Variants in THG1L observed in about 807,000 individuals in gnomAD.
THG1L encodes probable tRNA(His) guanylyltransferase.
In THG1L, 27 loss-of-function variants were observed where a neutral mutation model predicts 35.2. The ratio of observed to expected loss-of-function variants is 0.77; its 90% CI spans 0.57 to 1.06. The LOEUF (loss-of-function observed/expected upper bound fraction) is 1.06, where lower values mean the gene tolerates loss of function less well. Among genes scored for constraint, THG1L ranks in the 50% least tolerant of loss-of-function variants. The pLI, the probability that THG1L is intolerant of heterozygous loss-of-function variation, is 0.00. For synonymous variants in THG1L, 135 were observed against 132.4 expected, an observed-to-expected ratio of 1.02 and a Z score of -0.14; for missense variants, 377 against 371.8, an observed-to-expected ratio of 1.01 and a Z score of -0.12.
intron 5 of THG1L, chr5:157,738,568 C>A: frequency 4.8e-6 from 2 of 412,980 alleles, no homozygotes; most frequent in Middle Eastern, 3.9e-4. Flanking sequence ...AAATTTATTT[C>A]CTTCCATGTA....
Position 157,737,948 on chromosome 5 carries a change from A to C in THG1L, c.689A>C (p.Asn230Thr), listed in dbSNP as rs746567356. 1.9e-6 allele frequency: 3 copies of C among 1,613,688 alleles called. No individual in the cohort carries two copies. The highest frequency in any genetic ancestry group is 2.2e-5 in the South Asian group (2 of 90,980). ...LFSEFNINYN[N>T]ELPMYRKGTV... ...TCTGAATTCAACATCAACTATAATA[A>C]TGAGCTGCCGATGTATAGGAAAGGG... The change falls in exon 5 of 6, where the codon AAT (asparagine) becomes ACT (threonine). Residue 230 changes from asparagine to threonine, a missense_variant. By Grantham distance (65) the Asn-to-Thr change is moderately conservative. Coordinates refer to ENST00000231198, the MANE Select transcript of THG1L (RefSeq NM_017872.5).
chr5:157,735,738 C>G, intron 3 of THG1L, 108 bp from the exon 4 acceptor site: 1 of 724,076 alleles, frequency 1.4e-6, no homozygotes, highest in South Asian at 2.0e-5. Context: ...TCTCTGAGAT[C>G]TCTTTACTAT....
intron 4 of THG1L, among the ~76,000 whole-genome samples, chr5:157,737,497 A>G (rs1056426422): frequency 6.6e-6 from 1 of 152,114 alleles, no homozygotes; most frequent in Non-Finnish European, 1.5e-5. Flanking sequence ...AAAAAAAGGC[A>G]TACTGGTAGG....
intron 5 of THG1L, 70 bp from the exon 6 acceptor site, chr5:157,739,251 C>G: frequency 6.6e-7 from 1 of 1,511,308 alleles, no homozygotes; most frequent in Middle Eastern, 1.8e-4. Flanking sequence ...TGAGCTATCC[C>G]CACATCTTTC....
At position 157,731,546 on chromosome 5, in the gene THG1L, G is replaced by A. The variant is rs752821997; in HGVS notation, c.106G>A (p.Glu36Lys). ...GGCGACCATGGCAAAAAGCAAGTTC[G>A]AGTACGTGAGGGACTTCGAGGCTGA... ...LGATMAKSKF[E>K]YVRDFEADDT... Residue 36 changes from glutamate to lysine, a missense_variant, in exon 1 of 6, where the codon GAG becomes AAG. Transcript: ENST00000231198. The A allele has an allele frequency of 3.7e-6, 6 of 1,612,638 alleles. No homozygotes were observed. The highest frequency in any genetic ancestry group is 5.1e-6 in the Non-Finnish European group (6 of 1,179,416).
chr5:157,732,227 AAAAAAAAAAAAAAAAAAGAGAG>A (rs1691372169), intron 1 of THG1L, among the ~76,000 whole-genome samples: 1 of 129,536 alleles, frequency 7.7e-6, no homozygotes, highest in Non-Finnish European at 1.6e-5. Flanking sequence ...AAAAAAAAAA[AAAAAAAAAAAAAAAAAAGAGAG>A]AGAGAGAGAG....
In THG1L at chr5:157,737,970, A is replaced by C; in HGVS notation, c.711A>C (p.Lys237Asn). ...NYNNELPMYR[K>N]GTVLIWQKVD... ...ATAATGAGCTGCCGATGTATAGGAAAGGGACTGTGTTGATATGGCAGAAGG... is the reference window on the plus strand; with the variant it reads ...ATAATGAGCTGCCGATGTATAGGAACGGGACTGTGTTGATATGGCAGAAGG... Residue 237 changes from lysine to asparagine, a missense_variant, in exon 5 of 6, where the codon AAA becomes AAC. Physicochemically the swap from Lys to Asn is moderately conservative, Grantham distance 94. Coordinates refer to ENST00000231198, the MANE Select transcript of THG1L (RefSeq NM_017872.5). 1 of 1,612,930 alleles carries C rather than the reference A, an allele frequency of 6.2e-7. No homozygotes were observed. The highest frequency in any genetic ancestry group is 8.5e-7 in the Non-Finnish European group (1 of 1,179,396).
At chr5:157,735,484 G>A (rs1271558675) in intron 3 of THG1L, among the ~76,000 whole-genome samples, 1 of 152,204 alleles carries the variant, frequency 6.6e-6, no homozygotes, top group Non-Finnish European at 1.5e-5. Context: ...TGACTGTGAT[G>A]ATGTTTGTGA....
chr5:157,735,327 C>G (rs1292034162), intron 3 of THG1L, among the ~76,000 whole-genome samples: 1 of 148,026 alleles, frequency 6.8e-6, no homozygotes, highest in African/African-American at 2.5e-5. Flanking sequence ...TCAGTGGCAG[C>G]TACCTTTACA....
At position 157,733,062 on chromosome 5, in the gene THG1L, C is replaced by T. The variant is rs778647900; in HGVS notation, c.368+18C>T. The stretch of plus-strand genomic sequence containing the variant: ...AGAGCCAGGTAATTCCATGACCTAA[C>T]TCCTTTCTTCAGAATATTTCCTCCC... On this transcript the variant is annotated intron_variant, in intron 2 of 5. Coordinates refer to ENST00000231198, the MANE Select transcript of THG1L (RefSeq NM_017872.5). 6.2e-7 allele frequency: 1 copy of T among 1,609,066 alleles called. No homozygotes were observed. Among genetic ancestry groups the T allele is most frequent in the Admixed American group, 1.7e-5 (1 of 59,748 alleles).
rs973009315 is a variant in THG1L at position 157,732,890 on chromosome 5, G to A, written c.214G>A (p.Ala72Thr). ...FHRFAEKHNF[A>T]KPNDSRALQL... is the part of the protein sequence containing the mutation. ...AAGGTTTGCTGAGAAGCACAACTTT[G>A]CAAAACCCAATGACAGCCGTGCTCT... The change falls in exon 2 of 6, where the codon GCA becomes ACA. Residue 72 changes from alanine (A) to threonine (T), a missense_variant. Transcript: ENST00000231198. The A allele has an allele frequency of 1.2e-6, 2 of 1,614,076 alleles. No homozygotes were observed. Among genetic ancestry groups the A allele is most frequent in the African/African-American group, 2.7e-5 (2 of 74,932 alleles).
At position 157,739,044 on chromosome 5, in the gene THG1L, G is replaced by A. The variant is rs56038463; in HGVS notation, c.736-277G>A. Among the ~76,000 whole-genome samples, 1,072 of 152,156 alleles carry A rather than the reference G, an allele frequency of 7.0e-3. 12 individuals are homozygous for A. The highest frequency in any genetic ancestry group is 0.024 in the African/African-American group (1,015 of 41,518). ...ATGTCTCAGCCTCCCAAAGTGCTGA[G>A]ATTACAGGCGTGAGCCACCGCGCTC... On this transcript the variant is annotated intron_variant, in intron 5 of 5. Coordinates refer to ENST00000231198, the MANE Select transcript of THG1L (RefSeq NM_017872.5).
rs750334436 is a variant in THG1L at position 157,731,530 on chromosome 5, G to A, written c.90G>A (p.Met30Ile). The A allele has an allele frequency of 1.9e-6, 3 of 1,613,052 alleles. No homozygotes were observed. The highest frequency in any genetic ancestry group is 2.2e-5 in the East Asian group (1 of 44,818). ...LRRYLRLGATMAKSKFEYVRD... is the reference protein window; with the variant it reads ...LRRYLRLGATIAKSKFEYVRD... ...GGTACCTGAGATTGGGGGCGACCAT[G>A]GCAAAAAGCAAGTTCGAGTACGTGA... Residue 30 changes from methionine to isoleucine, a missense_variant, in exon 1 of 6, where the codon ATG becomes ATA. Physicochemically the swap from Met to Ile is conservative, Grantham distance 10 (BLOSUM62 1). Coordinates refer to ENST00000231198, the MANE Select transcript of THG1L (RefSeq NM_017872.5).
intron 5 of THG1L, among the ~76,000 whole-genome samples, chr5:157,739,060 C>T (rs1166647330): frequency 6.6e-6 from 1 of 152,066 alleles, no homozygotes; most frequent in Non-Finnish European, 1.5e-5. Flanking sequence ...AGGCGTGAGC[C>T]ACCGCGCTCG....
rs368280320 is a variant in THG1L, at chr5:157,739,283, CTGACT to C, written c.736-36_736-32del. The C allele has an allele frequency of 6.2e-5, 99 of 1,599,006 alleles. No homozygotes were observed. The African/African-American group carries it at 1.0e-3, about 17-fold the overall frequency. The stretch of plus-strand genomic sequence containing the variant: ...TTTCCTTTCTCTCCCAAACCCACTC[CTGACT>C]TAACAATGTCACTACTTTATTTTTA... On this transcript the variant is annotated intron_variant, in intron 5 of 5. Coordinates refer to ENST00000231198, the MANE Select transcript of THG1L (RefSeq NM_017872.5).
intron 2 of THG1L, among the ~76,000 whole-genome samples, chr5:157,733,575 C>T (rs950845551): frequency 3.3e-5 from 5 of 151,986 alleles, no homozygotes; most frequent in African/African-American, 1.2e-4. Context: ...AAGCAGTTCT[C>T]CTGTCTTGGC....
intron 1 of THG1L, 22 bp downstream of exon 1, chr5:157,731,653 C>T (rs201674724): frequency 6.3e-7 from 1 of 1,575,208 alleles, no homozygotes; most frequent in Non-Finnish European, 8.6e-7. Context: ...CGACTCGGGG[C>T]GTCGCGATGC....
At chr5:157,731,710 G>T in intron 1 of THG1L, 79 bp downstream of exon 1, 2 of 1,499,214 alleles carry the variant, frequency 1.3e-6, no homozygotes, top group South Asian at 2.6e-5. Flanking sequence ...AAGTCCTCCC[G>T]CCCGCTCCAG....
intron 1 of THG1L, 68 bp downstream of exon 1, chr5:157,731,699 C>G (rs754335617): frequency 1.6e-5 from 25 of 1,524,344 alleles, no homozygotes; most frequent in African/African-American, 1.4e-4. Flanking sequence ...TCTTCCCTTG[C>G]AAGTCCTCCC....
Sources: gnomAD v4.1 joint callset for allele counts (sites outside exome capture counted in the v4.1 genomes callset) on GRCh38, gnomAD v4.1.1 for gene constraint, MANE v1.5 for transcripts, NCBI Gene and HGNC (gene_info 2026-07-23, HGNC 2026-07-21) for gene names.